MYO10: variants seen among roughly 807,000 people sequenced by gnomAD.
MYO10 encodes the protein myosin X, also known as unconventional myosin-X.
Under a neutral mutation model 257.3 loss-of-function variants are expected in MYO10, and 133 were observed. The ratio of observed to expected loss-of-function variants is 0.52; its 90% CI spans 0.45 to 0.60. MYO10 has a LOEUF of 0.60. Among genes scored for constraint, MYO10 ranks in the 20% least tolerant of loss-of-function variants. The probability of loss-of-function intolerance (pLI) is 0.00; values close to 1 mark genes in which losing one functional copy is unlikely to be tolerated. For missense variants in MYO10, 2,399 were observed against 2,635.7 expected (o/e 0.91, Z 1.97); for synonymous variants, 1,104 against 1,028.6 (o/e 1.07, Z -1.40).
intron 3 of MYO10, among the ~76,000 whole-genome samples, chr5:16,817,085 T>C (rs1210097479): frequency 3.3e-5 from 5 of 152,222 alleles, no homozygotes; most frequent in African/African-American, 1.2e-4. Flanking sequence ...CACAAAGTGC[T>C]GGGATTACAG....
rs1239578758 is a variant in MYO10, at chr5:16,699,806, AAG to A, written c.3433-235_3433-234del. Reference sequence around the variant, plus strand: ...AGTCTCAAAAAAAAAAAAAAAAAAAAAGGGAAAAGGAAAAAGAAAAAAAACAA... The same window carrying A: ...AGTCTCAAAAAAAAAAAAAAAAAAAAGGAAAAGGAAAAAGAAAAAAAACAA... On this transcript the variant is annotated intron_variant, in intron 25 of 40. Transcript: ENST00000513610. Among the ~76,000 whole-genome samples, 9 of 144,304 alleles carry A rather than the reference AAG, an allele frequency of 6.2e-5. 1 individual carries two copies. Among genetic ancestry groups the A allele is most frequent in the Non-Finnish European group, 8.9e-5 (6 of 67,392 alleles). 94.7% of individuals were successfully genotyped at this position (144,304 alleles called of 152,430 possible). A position where few individuals can be genotyped will look rare whatever the true frequency, so the allele number is the denominator to read the frequency against.
At chr5:16,674,010 G>A in intron 35 of MYO10, 121 bp from the exon 36 acceptor site, 2 of 789,358 alleles carry the variant, frequency 2.5e-6, no homozygotes, top group South Asian at 1.7e-5. Context: ...GGTGAATGGA[G>A]CAAGCACCAG....
intron 34 of MYO10, among the ~76,000 whole-genome samples, 200 bp from the exon 35 acceptor site, chr5:16,675,350 T>C (rs372189745): frequency 5.3e-5 from 8 of 152,320 alleles, no homozygotes; most frequent in African/African-American, 1.4e-4. Flanking sequence ...TGTTATCTAA[T>C]TGAACTTCTT....
At chr5:16,809,341 A>G (rs926066598) in intron 3 of MYO10, among the ~76,000 whole-genome samples, 14 of 152,226 alleles carry the variant, frequency 9.2e-5, no homozygotes, top group Non-Finnish European at 1.8e-4. Context: ...GCGCGCTGTG[A>G]CTTGACTCGA....
intron 1 of MYO10, among the ~76,000 whole-genome samples, chr5:16,881,232 A>C (rs191214365): frequency 9.3e-4 from 141 of 152,328 alleles, no homozygotes; most frequent in Middle Eastern, 3.4e-3. Flanking sequence ...AGATTATGCA[A>C]CATTATCAAA....
intron 12 of MYO10, among the ~76,000 whole-genome samples, 171 bp from the exon 13 acceptor site, chr5:16,763,926 C>T (rs1189261307): frequency 6.6e-6 from 1 of 152,138 alleles, no homozygotes; most frequent in Admixed American, 6.6e-5. Flanking sequence ...GGGCAGATCA[C>T]CTGAGGTCGG....
At chr5:16,818,381 CGTGTGTGTGTGTGTGTGTGT>C (rs66684462) in intron 2 of MYO10, among the ~76,000 whole-genome samples, 18 of 134,066 alleles carry the variant, frequency 1.3e-4, no homozygotes, top group African/African-American at 5.3e-4. Context: ...TGTGTGTGTG[CGTGTGTGTGTGTGTGTGTGT>C]GTGTGTGTGT....
chr5:16,719,176 C>G (rs190826805), intron 19 of MYO10, among the ~76,000 whole-genome samples: 1 of 152,122 alleles, frequency 6.6e-6, no homozygotes, highest in Non-Finnish European at 1.5e-5. Flanking sequence ...AGCGAGACCA[C>G]GAGCCCACCA....
At position 16,701,300 on chromosome 5, in the gene MYO10, T is replaced by A. The variant is rs934269945; in HGVS notation, c.3095A>T (p.Glu1032Val). The A allele has an allele frequency of 3.7e-6, 6 of 1,613,742 alleles. No individual in the cohort carries two copies. Among genetic ancestry groups the A allele is most frequent in the Non-Finnish European group, 5.1e-6 (6 of 1,179,848 alleles). The change falls in exon 25 of 41, where the codon GAG (glutamate) becomes GTG (valine). Residue 1032 changes from glutamate (E) to valine (V), a missense_variant. By Grantham distance (121) the Glu-to-Val change is moderately radical (BLOSUM62 -2). Transcript: ENST00000513610. The surrounding 1 kb of genome is among the most constrained non-coding windows in gnomAD (Gnocchi z 8.1). ...GIRTSDDSSEEDPYMNDTVVP... is the reference protein window; with the variant it reads ...GIRTSDDSSEVDPYMNDTVVP... ...CACCGTGTCGTTCATGTATGGGTCCTCCTCTGAAGAGTCATCGCTGGTCCG... is the reference window on the plus strand; with the variant it reads ...CACCGTGTCGTTCATGTATGGGTCCACCTCTGAAGAGTCATCGCTGGTCCG...
intron 3 of MYO10, among the ~76,000 whole-genome samples, chr5:16,801,031 G>C (rs1403470564): frequency 6.6e-6 from 1 of 151,992 alleles, no homozygotes; most frequent in Non-Finnish European, 1.5e-5. Context: ...GTGCACCCTA[G>C]AAGCTGCCTG....
intron 9 of MYO10, among the ~76,000 whole-genome samples, chr5:16,770,355 G>T (rs1284141479): frequency 6.6e-6 from 1 of 152,082 alleles, no homozygotes; most frequent in African/African-American, 2.4e-5. Flanking sequence ...ATTTTTTATG[G>T]TCTTATCTTG....
intron 33 of MYO10, among the ~76,000 whole-genome samples, chr5:16,678,534 C>T (rs1459600860): frequency 2.0e-5 from 3 of 152,160 alleles, no homozygotes; most frequent in African/African-American, 7.2e-5. Flanking sequence ...GAGCTGAGAT[C>T]GCACTACCGC....
At chr5:16,779,356 C>CT (rs1184159469) in intron 9 of MYO10, among the ~76,000 whole-genome samples, 189 bp downstream of exon 9, 1 of 152,106 alleles carries the variant, frequency 6.6e-6, no homozygotes, top group Non-Finnish European at 1.5e-5. Context: ...CCTCAAACCC[C>CT]TTTCAGCCTA....
intron 12 of MYO10, 51 bp from the exon 13 acceptor site, chr5:16,763,806 T>C (rs1740790564): frequency 1.3e-5 from 14 of 1,086,454 alleles, no homozygotes; most frequent in East Asian, 7.4e-5. Context: ...CACGATTATA[T>C]AGAAAGGTGA....
chr5:16,899,628 C>CAAAA (rs370278252), intron 1 of MYO10, among the ~76,000 whole-genome samples: 1,951 of 123,290 alleles, frequency 0.016, 45 homozygotes, highest in African/African-American at 0.056. Context: ...AACTCAGTTT[C>CAAAA]AAAAAAAAAA....
At position 16,763,716 on chromosome 5, in the gene MYO10, C is replaced by T. The variant is rs1445076934; in HGVS notation, c.1366G>A (p.Glu456Lys). Residue 456 changes from glutamate to lysine, a missense_variant, in exon 13 of 41, where the codon GAG (glutamate) becomes AAG (lysine). By Grantham distance (56) the Glu-to-Lys change is moderately conservative (BLOSUM62 1). Transcript: ENST00000513610. ...FEQFNINYAN[E>K]KLQEYFNKHI... is the part of the protein sequence containing the mutation. Reference sequence around the variant, plus strand: ...TTGTTGAAGTACTCCTGAAGTTTCTCGTTTGCATAGTTTATATTGAACTGT... The same window carrying T: ...TTGTTGAAGTACTCCTGAAGTTTCTTGTTTGCATAGTTTATATTGAACTGT... The T allele has an allele frequency of 6.2e-7, 1 of 1,609,040 alleles. No individual in the cohort carries two copies. The highest frequency in any genetic ancestry group is 8.5e-7 in the Non-Finnish European group (1 of 1,176,286).
chr5:16,775,799 C>T (rs1741194685), intron 9 of MYO10, among the ~76,000 whole-genome samples: 1 of 152,142 alleles, frequency 6.6e-6, no homozygotes, highest in Admixed American at 6.5e-5. Context: ...GATGGGGTTT[C>T]ACTATGTTGG....
At position 16,681,368 on chromosome 5, in the gene MYO10, A is replaced by G; in HGVS notation, c.4325T>C (p.Leu1442Pro). 1 of 1,614,014 alleles carries G rather than the reference A, an allele frequency of 6.2e-7. No homozygotes were observed. Among genetic ancestry groups the G allele is most frequent in the Non-Finnish European group, 8.5e-7 (1 of 1,179,886 alleles). Residue 1442 changes from leucine to proline, a missense_variant, in exon 32 of 41, where the codon CTG becomes CCG. Physicochemically the swap from Leu to Pro is moderately conservative, Grantham distance 98. Coordinates refer to ENST00000513610, the MANE Select transcript of MYO10 (RefSeq NM_012334.3). ...GACAGAGCAGAGGCTGTTGAGGACC[A>G]GGGTCCCCAGTTTGAGCGCGTTCTT... is the stretch of plus-strand genomic sequence containing the variant. ...SEKNALKLGTLVLNSLCSVVP... is the reference protein window; with the variant it reads ...SEKNALKLGTPVLNSLCSVVP...
intron 3 of MYO10, among the ~76,000 whole-genome samples, chr5:16,795,056 G>A (rs1007214950): frequency 2.6e-5 from 4 of 152,230 alleles, no homozygotes; most frequent in Admixed American, 6.5e-5. Flanking sequence ...GAAGGAAGAT[G>A]GTGAGGCGGC....
Sources: allele counts gnomAD v4.1 joint callset (sites outside exome capture counted in the v4.1 genomes callset), GRCh38; gene constraint gnomAD v4.1.1; non-coding constraint Gnocchi (gnomAD v3.1); transcripts MANE v1.5; gene names NCBI Gene and HGNC (gene_info 2026-07-23, HGNC 2026-07-21).